Variants in RNF115 observed in about 807,000 individuals in gnomAD.
RNF115 encodes the protein ring finger protein 115.
A neutral mutation model predicts 39.2 loss-of-function variants in RNF115; 31 were observed. The observed-to-expected ratio is 0.79, with a 90% CI of 0.59 to 1.07. The LOEUF (loss-of-function observed/expected upper bound fraction) is 1.07, where lower values mean the gene tolerates loss of function less well. Ranked by LOEUF, RNF115 falls within the 50% of genes least tolerant of loss-of-function variation. The probability of loss-of-function intolerance (pLI) is 0.00; values close to 1 mark genes in which losing one functional copy is unlikely to be tolerated. For synonymous variants in RNF115, 124 were observed against 131.0 expected (o/e 0.95, Z 0.37); for missense variants, 384 against 381.7 (o/e 1.01, Z -0.05).
At chr1:145,796,162 A>G (rs1553719992) in intron 1 of RNF115, among the ~76,000 whole-genome samples, 1 of 152,164 alleles carries the variant, frequency 6.6e-6, no homozygotes, top group East Asian at 1.9e-4. Context: ...TCCACTTACT[A>G]GTACCACTTT....
intron 2 of RNF115, chr1:145,788,638 T>C: frequency 1.7e-6 from 1 of 582,956 alleles, no homozygotes; most frequent in Admixed American, 2.2e-5. Flanking sequence ...TGCGTACAGA[T>C]GTACATGGAA....
chr1:145,761,902 A>G (rs1238604513), intron 4 of RNF115, among the ~76,000 whole-genome samples: 1 of 152,154 alleles, frequency 6.6e-6, no homozygotes, highest in Non-Finnish European at 1.5e-5. Flanking sequence ...ACAGGGGTGG[A>G]GCTGCCCAAG....
At chr1:145,807,546 T>G (rs1252629546) in intron 1 of RNF115, among the ~76,000 whole-genome samples, 1 of 152,192 alleles carries the variant, frequency 6.6e-6, no homozygotes, top group Non-Finnish European at 1.5e-5. Context: ...CTTATTAATA[T>G]TACTTTCAAC....
intron 2 of RNF115, among the ~76,000 whole-genome samples, chr1:145,788,252 TTG>T (rs1456450283): frequency 6.6e-6 from 1 of 152,112 alleles, no homozygotes; most frequent in Non-Finnish European, 1.5e-5. Context: ...CAGCTAATTT[TTG>T]TGTTTTTAAT....
rs1559129464 is a variant in RNF115, at chr1:145,805,464, T to A, written c.103-16498A>T. On this transcript the variant is annotated intron_variant, in intron 1 of 8. Transcript: ENST00000582693. ...CCCAAGTCTTCAAAAAAAAAAAAAATGAAGTTTTAATTTATTCAGTCAACA... is the reference window on the plus strand; with the variant it reads ...CCCAAGTCTTCAAAAAAAAAAAAAAAGAAGTTTTAATTTATTCAGTCAACA... Among the ~76,000 whole-genome samples, 3 of 150,682 alleles carry A rather than the reference T, an allele frequency of 2.0e-5. No homozygotes were observed. The East Asian group carries it at 5.8e-4, about 29-fold the overall frequency.
intron 4 of RNF115, among the ~76,000 whole-genome samples, chr1:145,761,403 C>T (rs1658498052): frequency 1.3e-5 from 2 of 152,198 alleles, no homozygotes; most frequent in Admixed American, 1.3e-4. Flanking sequence ...GGCCCAGGGT[C>T]CCCGTGCTGT....
At chr1:145,779,216 C>T (rs1648013938) in intron 3 of RNF115, among the ~76,000 whole-genome samples, 1 of 151,758 alleles carries the variant, frequency 6.6e-6, no homozygotes, top group Admixed American at 6.6e-5. Context: ...ACTCTGACAC[C>T]CAGGCTGGGG....
intron 3 of RNF115, among the ~76,000 whole-genome samples, chr1:145,783,832 TA>T (rs1226019786): frequency 1.0e-3 from 151 of 148,998 alleles, no homozygotes; most frequent in Admixed American, 1.7e-3. Flanking sequence ...TTTCTTTTTT[TA>T]AAAAAAAAAA....
intron 1 of RNF115, among the ~76,000 whole-genome samples, chr1:145,803,069 T>G (rs1444256605): frequency 6.6e-6 from 1 of 152,216 alleles, no homozygotes; most frequent in Non-Finnish European, 1.5e-5. Flanking sequence ...CTCACTGACT[T>G]CTTTCTCTCA....
chr1:145,791,509 C>A (rs112994792), intron 1 of RNF115, among the ~76,000 whole-genome samples: 1 of 149,190 alleles, frequency 6.7e-6, no homozygotes. Context: ...CGAAACTCCA[C>A]CTCAAAAAAA....
At chr1:145,751,571 A>G (rs1334609744) in intron 5 of RNF115, 61 bp from the exon 6 acceptor site, 2 of 1,266,532 alleles carry the variant, frequency 1.6e-6, no homozygotes, top group African/African-American at 3.0e-5. Flanking sequence ...CTTACACCAC[A>G]GAAAAAAATT....
chr1:145,749,309 A>T (rs1156634881), intron 7 of RNF115, among the ~76,000 whole-genome samples: 2 of 152,158 alleles, frequency 1.3e-5, no homozygotes, highest in Non-Finnish European at 2.9e-5. Flanking sequence ...CCACGGTCTT[A>T]ACCCTCCAAA....
Position 145,750,488 on chromosome 1 carries a change from GT to G in RNF115, c.585del (p.Gln195HisfsTer21). On this transcript the variant is annotated frameshift_variant, in exon 7 of 9. Transcript: ENST00000582693. LOFTEE classifies it high-confidence loss of function. ...GCTGGGGGAGGGCCTGTGTTTTCCAGTTGTCCTAAAAGCTACAAAAAAAGAG... is the reference window on the plus strand; with the variant it reads ...GCTGGGGGAGGGCCTGTGTTTTCCAGTGTCCTAAAAGCTACAAAAAAAGAG... ...LDAIVTQLLG[Q>X]LENTGPPPAD... 1 of 1,613,764 alleles carries G rather than the reference GT, an allele frequency of 6.2e-7. No individual in the cohort carries two copies. Among genetic ancestry groups the G allele is most frequent in the Non-Finnish European group, 8.5e-7 (1 of 1,179,734 alleles).
chr1:145,757,155 A>C (rs191324615), intron 4 of RNF115, among the ~76,000 whole-genome samples: 5 of 152,118 alleles, frequency 3.3e-5, no homozygotes, highest in Admixed American at 2.6e-4. Flanking sequence ...TCCTTATAAG[A>C]CTATCAACCG....
At chr1:145,747,022 T>C (rs1202166051) in intron 8 of RNF115, 25 bp from the exon 9 acceptor site, 2 of 1,598,346 alleles carry the variant, frequency 1.3e-6, no homozygotes, top group Non-Finnish European at 1.7e-6. Flanking sequence ...TATTAGTCTA[T>C]GTGAAGATCC....
intron 3 of RNF115, chr1:145,773,240 T>C (rs1292953225): frequency 2.0e-5 from 3 of 152,170 alleles, no homozygotes; most frequent in Admixed American, 1.3e-4. Context: ...TCTTTTTTCT[T>C]GTGAATGAAG....
At chr1:145,764,159 G>T (rs1443797108) in intron 4 of RNF115, among the ~76,000 whole-genome samples, 1 of 152,202 alleles carries the variant, frequency 6.6e-6, no homozygotes, top group Non-Finnish European at 1.5e-5. Context: ...CGAGTGATCC[G>T]CCAGCCTCGG....
At chr1:145,779,748 C>G (rs1033750314) in intron 3 of RNF115, among the ~76,000 whole-genome samples, 1 of 151,868 alleles carries the variant, frequency 6.6e-6, no homozygotes, top group African/African-American at 2.4e-5. Flanking sequence ...CTGCAACCTC[C>G]GCCTCCTGGG....
At chr1:145,775,105 A>C (rs1647819691) in intron 3 of RNF115, among the ~76,000 whole-genome samples, 1 of 152,118 alleles carries the variant, frequency 6.6e-6, no homozygotes, top group South Asian at 2.1e-4. Context: ...ACATTAGCTA[A>C]GTGTGGTAGC....
Sources: allele counts gnomAD v4.1 joint callset (sites outside exome capture counted in the v4.1 genomes callset), GRCh38; gene constraint gnomAD v4.1.1; transcripts MANE v1.5; gene names NCBI Gene and HGNC (gene_info 2026-07-23, HGNC 2026-07-21).